ATG2B: variants seen among roughly 807,000 people sequenced by gnomAD.
ATG2B encodes autophagy-related protein 2 homolog B.
A neutral mutation model predicts 241.3 loss-of-function variants in ATG2B; 121 were observed. The ratio of observed to expected loss-of-function variants is 0.50; its 90% confidence interval spans 0.43 to 0.58. ATG2B has a LOEUF of 0.58. Ranked by LOEUF, ATG2B falls within the 20% of genes least tolerant of loss-of-function variation. The probability of loss-of-function intolerance (pLI) is 0.00; values close to 1 mark genes in which losing one functional copy is unlikely to be tolerated. For missense variants in ATG2B, 2,306 were observed against 2,491.6 expected (o/e 0.93, Z 1.59); for synonymous variants, 858 against 876.6 (o/e 0.98, Z 0.37).
In ATG2B at chr14:96,356,400, C is replaced by A. The variant is rs117013014; in HGVS notation, c.162+6415G>T. 5.4e-3 allele frequency among the ~76,000 whole-genome samples: 818 copies of A among 152,024 alleles called. 26 individuals are homozygous for A. The South Asian group carries it at 0.068, about 13-fold the overall frequency. On this transcript the variant is annotated intron_variant, in intron 1 of 41. Transcript: ENST00000359933. ...GTCTTCAATTAATCACTGCGGAAAC[C>A]CACAAAAAAGAGAAATGTATTTTCA...
intron 1 of ATG2B, among the ~76,000 whole-genome samples, chr14:96,356,995 C>G (rs1424832191): frequency 7.9e-5 from 12 of 152,142 alleles, no homozygotes; most frequent in Non-Finnish European, 1.5e-4. Context: ...TAACCTTGCT[C>G]CATGTTCCCC....
Position 96,341,775 on chromosome 14 carries a change from C to A in ATG2B, c.745-74G>T. On this transcript the variant is annotated intron_variant, in intron 5 of 41. Transcript: ENST00000359933. ...AAAATGAAATGTAAAATATAAATGT[C>A]AACTTAAGAAGAATAAAATATTTGA... 4 of 1,134,800 alleles carry A rather than the reference C, an allele frequency of 3.5e-6. No individual in the cohort carries two copies. The South Asian group carries it at 6.7e-5, about 19-fold the overall frequency. The allele number at this position is 1,134,800 out of a possible 1,614,324, so 70.3% of individuals were successfully genotyped here. A position where few individuals can be genotyped will look rare whatever the true frequency, so the allele number is the denominator to read the frequency against.
Position 96,286,106 on chromosome 14 carries a change from A to C in ATG2B, c.6007-121T>G, listed in dbSNP as rs182416229. 1.4e-4 allele frequency: 83 copies of C among 592,804 alleles called. No homozygotes were observed. The Middle Eastern group carries it at 2.0e-3, about 14-fold the overall frequency. 36.7% of individuals were successfully genotyped at this position (592,804 alleles called of 1,614,324 possible). On this transcript the variant is annotated intron_variant, in intron 41 of 41. Transcript: ENST00000359933. ...GGTAACATTATGTTTGTAACCAGAC[A>C]AAAAAAAATGCCATGCTTTTAGATA... is the stretch of plus-strand genomic sequence containing the variant.
At chr14:96,345,524 A>C in intron 2 of ATG2B, 139 bp from the exon 3 acceptor site, 1 of 570,952 alleles carries the variant, frequency 1.8e-6, no homozygotes, top group Non-Finnish European at 2.8e-6. Context: ...CAGGTAAACA[A>C]TATTCTAGAA....
intron 15 of ATG2B, among the ~76,000 whole-genome samples, chr14:96,325,095 C>T (rs1372268060): frequency 6.6e-6 from 1 of 152,102 alleles, no homozygotes; most frequent in Non-Finnish European, 1.5e-5. Flanking sequence ...AAGTCACTAG[C>T]GATTAGTTAG....
Position 96,290,366 on chromosome 14 carries a change from T to C in ATG2B, c.5856+70A>G. The C allele has an allele frequency of 3.9e-6, 6 of 1,541,470 alleles. No individual in the cohort carries two copies. The highest frequency in any genetic ancestry group is 5.3e-6 in the Non-Finnish European group (6 of 1,139,294). ...TTTGTATATCTTCACAGTATCGTTT[T>C]AAAAACAAAAGGACCCAACCATTTC... On this transcript the variant is annotated intron_variant, in intron 40 of 41. Coordinates refer to ENST00000359933, the MANE Select transcript of ATG2B (RefSeq NM_018036.7). This position sits in a 1 kb window ranked among gnomAD's most constrained non-coding sequence, Gnocchi z 4.4.
Position 96,317,177 on chromosome 14 carries a change from G to A in ATG2B, c.3178C>T (p.His1060Tyr), listed in dbSNP as rs759793635. ...SFLSVLLNINHGLIAVFTDVK... is the reference protein window; with the variant it reads ...SFLSVLLNINYGLIAVFTDVK... ...TCTGTGAACACTGCTATTAATCCAT[G>A]ATTAATATTCAGAAGAACTGAGAGA... is the stretch of plus-strand genomic sequence containing the variant. Residue 1060 changes from histidine to tyrosine, a missense_variant, in exon 20 of 42, where the codon CAT becomes TAT. This residue lies in a region of ATG2B where 1,927 missense variants were observed against 2,011.2 expected (regional missense o/e 0.96). Coordinates refer to ENST00000359933, the MANE Select transcript of ATG2B (RefSeq NM_018036.7). 2 of 1,613,100 alleles carry A rather than the reference G, an allele frequency of 1.2e-6. No individual in the cohort carries two copies. The highest frequency in any genetic ancestry group is 3.3e-5 in the Admixed American group (2 of 59,890).
At chr14:96,334,627 A>T in intron 6 of ATG2B, 126 bp from the exon 7 acceptor site, 3 of 523,082 alleles carry the variant, frequency 5.7e-6, no homozygotes, top group Non-Finnish European at 1.0e-5. Context: ...TTCATCTGAG[A>T]CTCTCTCTAC....
chr14:96,298,321 T>C (rs976149456), intron 34 of ATG2B, among the ~76,000 whole-genome samples: 2 of 152,208 alleles, frequency 1.3e-5, no homozygotes, highest in African/African-American at 4.8e-5. Flanking sequence ...TGGCTATTGG[T>C]GGGAATATGC....
intron 27 of ATG2B, 93 bp downstream of exon 27, chr14:96,311,449 A>C (rs2139858988): frequency 8.0e-7 from 1 of 1,252,894 alleles, no homozygotes; most frequent in East Asian, 2.6e-5. Context: ...TCTATTTCTG[A>C]CCAAAATTAG....
At chr14:96,338,515 C>G (rs1033233845) in intron 6 of ATG2B, among the ~76,000 whole-genome samples, 4 of 151,998 alleles carry the variant, frequency 2.6e-5, no homozygotes, top group Non-Finnish European at 5.9e-5. Context: ...TGAATTTCAT[C>G]AAATGCAAAA....
intron 6 of ATG2B, among the ~76,000 whole-genome samples, chr14:96,341,189 T>A (rs994930741): frequency 6.6e-5 from 10 of 152,180 alleles, no homozygotes; most frequent in Non-Finnish European, 1.3e-4. Flanking sequence ...AAGAATTTTT[T>A]AAATAAATTC....
In ATG2B at chr14:96,325,651, A is replaced by C; in HGVS notation, c.2435T>G (p.Ile812Ser). 6.2e-7 allele frequency: 1 copy of C among 1,610,350 alleles called. No homozygotes were observed. Among genetic ancestry groups the C allele is most frequent in the South Asian group, 1.1e-5 (1 of 90,534 alleles). ...IKLELTFREL[I>S]GSFQEEKGDP... is the part of the protein sequence containing the mutation. ...TTTACAGGCACATTCAATCTTACCAATTAGTTCTCTAAAGGTAAGTTCCAA... is the reference window on the plus strand; with the variant it reads ...TTTACAGGCACATTCAATCTTACCACTTAGTTCTCTAAAGGTAAGTTCCAA... The change falls in exon 15 of 42, where the codon ATT becomes AGT. Residue 812 changes from isoleucine to serine, a missense_variant and splice_region_variant. Ile to Ser is a moderately radical substitution (Grantham distance 142). Transcript: ENST00000359933.
At chr14:96,344,156 G>A (rs76142158) in intron 4 of ATG2B, among the ~76,000 whole-genome samples, 4,496 of 152,166 alleles carry the variant, frequency 0.03, 220 homozygotes, top group African/African-American at 0.097. Context: ...TAAAAGCAAC[G>A]TACTTATATT....
At position 96,311,201 on chromosome 14, in the gene ATG2B, G is replaced by A. The variant is rs774842810; in HGVS notation, c.4077C>T (p.Leu1359=). ...CACCATAGCTTGCAATGTACTGAAT[G>A]AGATTCATTAACGCAGCACAAGAGT... is the stretch of plus-strand genomic sequence containing the variant. ...CSDSCAALMN[L]IQYIASYGDL... The change falls in exon 28 of 42, where the codon CTC becomes CTT. Residue 1359 remains leucine, a synonymous_variant. Coordinates refer to ENST00000359933, the MANE Select transcript of ATG2B (RefSeq NM_018036.7). 2 of 1,613,958 alleles carry A rather than the reference G, an allele frequency of 1.2e-6. No homozygotes were observed. Among genetic ancestry groups the A allele is most frequent in the South Asian group, 2.2e-5 (2 of 91,076 alleles).
Position 96,302,312 on chromosome 14 carries a change from G to A in ATG2B, c.5038-204C>T, listed in dbSNP as rs536287060. Among the ~76,000 whole-genome samples the A allele has an allele frequency of 6.2e-4, 94 of 152,246 alleles. 1 individual carries two copies. The highest frequency in any genetic ancestry group is 2.4e-3 in the Admixed American group (36 of 15,292). On this transcript the variant is annotated intron_variant, in intron 33 of 41. Coordinates refer to ENST00000359933, the MANE Select transcript of ATG2B (RefSeq NM_018036.7). Reference sequence around the variant, plus strand: ...AATAATCTGATTAAAGGCTGGGCACGGTGGCTCATGCCAGTAATCTCAACA... The same window carrying A: ...AATAATCTGATTAAAGGCTGGGCACAGTGGCTCATGCCAGTAATCTCAACA...
At position 96,353,794 on chromosome 14, in the gene ATG2B, A is replaced by G. The variant is rs184042454; in HGVS notation, c.163-6453T>C. On this transcript the variant is annotated intron_variant, in intron 1 of 41. Coordinates refer to ENST00000359933, the MANE Select transcript of ATG2B (RefSeq NM_018036.7). Reference sequence around the variant, plus strand: ...TTTATTGTAGAGAAATGGCAGCATGATCAATAAAAGACAAGCATAAACTAT... The same window carrying G: ...TTTATTGTAGAGAAATGGCAGCATGGTCAATAAAAGACAAGCATAAACTAT... 5.9e-5 allele frequency among the ~76,000 whole-genome samples: 9 copies of G among 152,136 alleles called. No homozygotes were observed. The East Asian group carries it at 1.7e-3, about 29-fold the overall frequency.
chr14:96,319,800 G>A (rs2139867979), intron 18 of ATG2B, among the ~76,000 whole-genome samples: 1 of 152,252 alleles, frequency 6.6e-6, no homozygotes, highest in African/African-American at 2.4e-5. Context: ...TTAGGGCACG[G>A]GGAGTTCTTC....
intron 7 of ATG2B, 30 bp from the exon 8 acceptor site, chr14:96,333,903 G>A: frequency 1.3e-6 from 2 of 1,584,136 alleles, no homozygotes; most frequent in Non-Finnish European, 1.7e-6. Context: ...AACCAAAACA[G>A]TAATTAAATT....
Sources: gnomAD v4.1 joint callset for allele counts (sites outside exome capture counted in the v4.1 genomes callset) on GRCh38, gnomAD v4.1.1 for gene constraint, gnomAD v4.1.1 regional missense constraint, Gnocchi (gnomAD v3.1) non-coding constraint, MANE v1.5 for transcripts, NCBI Gene and HGNC (gene_info 2026-07-23, HGNC 2026-07-21) for gene names.